Variants in IYD observed in about 807,000 individuals in gnomAD.
The protein encoded by IYD is iodotyrosine deiodinase, also known as iodotyrosine deiodinase 1.
A neutral mutation model predicts 28.4 loss-of-function variants in IYD; 25 were observed. The ratio of observed to expected loss-of-function variants is 0.88; its 90% confidence interval spans 0.64 to 1.23. IYD has a LOEUF of 1.23. IYD is among the 50% of genes most tolerant of loss of function. The pLI is 0.00. For missense variants in IYD, 352 were observed against 357.9 expected, an observed-to-expected ratio of 0.98 and a Z score of 0.13; for synonymous variants, 140 against 130.8, an observed-to-expected ratio of 1.07 and a Z score of -0.48.
Position 150,404,149 on chromosome 6 carries a change from G to T in IYD, c.*5912G>T, listed in dbSNP as rs971421767. The T allele has an allele frequency of 3.3e-5, 5 of 152,268 alleles. No individual in the cohort carries two copies. The highest frequency in any genetic ancestry group is 3.3e-4 in the Admixed American group (5 of 15,300). The allele number at this position is 152,268 out of a possible 1,614,324, so 9.4% of individuals were successfully genotyped here. A position where few individuals can be genotyped will look rare whatever the true frequency, so the allele number is the denominator to read the frequency against. Reference sequence around the variant, plus strand: ...ATCTGAGTTGTCCACCATATTGTGGGCATGAGTCCTTGACAATAGTAAATA... The same window carrying T: ...ATCTGAGTTGTCCACCATATTGTGGTCATGAGTCCTTGACAATAGTAAATA... On this transcript the variant is annotated 3_prime_UTR_variant, in exon 5 of 5. Transcript: ENST00000344419.
chr6:150,404,149 G>C lies in IYD; in HGVS notation c.*5912G>C, dbSNP rs971421767. On this transcript the variant is annotated 3_prime_UTR_variant, in exon 5 of 5. Transcript: ENST00000344419. The stretch of plus-strand genomic sequence containing the variant: ...ATCTGAGTTGTCCACCATATTGTGG[G>C]CATGAGTCCTTGACAATAGTAAATA... 1 of 152,150 alleles carries C rather than the reference G, an allele frequency of 6.6e-6. No individual in the cohort carries two copies. Among genetic ancestry groups the C allele is most frequent in the Non-Finnish European group, 1.5e-5 (1 of 68,018 alleles). The allele number at this position is 152,150 out of a possible 1,614,324, so 9.4% of individuals were successfully genotyped here.
intron 4 of IYD, 32 bp downstream of exon 4, chr6:150,394,287 C>T (rs763243549): frequency 1.7e-4 from 280 of 1,612,462 alleles, no homozygotes; most frequent in Non-Finnish European, 2.2e-4. Flanking sequence ...TACAGGGTGG[C>T]CTTATTAGAA....
intron 3 of IYD, among the ~76,000 whole-genome samples, chr6:150,393,039 T>C (rs77202270): frequency 0.021 from 3,177 of 152,254 alleles, 105 homozygotes; most frequent in African/African-American, 0.072. Flanking sequence ...GTGGAGGGAA[T>C]GGAGAGTGTT....
chr6:150,370,435 G>C, intron 1 of IYD: 2 of 951,362 alleles, frequency 2.1e-6, no homozygotes, highest in Non-Finnish European at 2.5e-6. Context: ...GTGTGTTTGT[G>C]AGAGAGTGTG....
At chr6:150,377,821 A>G (rs1777503333) in intron 1 of IYD, among the ~76,000 whole-genome samples, 1 of 152,234 alleles carries the variant, frequency 6.6e-6, no homozygotes, top group Admixed American at 6.5e-5. Context: ...TGTCAAAAGT[A>G]TCATTGGTGT....
intron 1 of IYD, among the ~76,000 whole-genome samples, chr6:150,372,450 G>T (rs112147707): frequency 1.5e-5 from 1 of 65,626 alleles, no homozygotes; most frequent in African/African-American, 6.5e-5. Context: ...TGTGTGGGTG[G>T]GGTGGGGGGT....
At position 150,398,960 on chromosome 6, in the gene IYD, G is replaced by C; in HGVS notation, c.*723G>C. On this transcript the variant is annotated 3_prime_UTR_variant, in exon 5 of 5. Coordinates refer to ENST00000344419, the MANE Select transcript of IYD (RefSeq NM_203395.3). Reference sequence around the variant, plus strand: ...TGAGGCAAGAGAACTGCTTGAATCCGGGAGGTAGAGATTGCAGTGAGTCAA... The same window carrying C: ...TGAGGCAAGAGAACTGCTTGAATCCCGGAGGTAGAGATTGCAGTGAGTCAA... 2 of 152,314 alleles carry C rather than the reference G, an allele frequency of 1.3e-5. No individual in the cohort carries two copies. Among genetic ancestry groups the C allele is most frequent in the Non-Finnish European group, 2.9e-5 (2 of 68,092 alleles). The allele number at this position is 152,314 out of a possible 1,614,324, so 9.4% of individuals were successfully genotyped here. A position where few individuals can be genotyped will look rare whatever the true frequency, so the allele number is the denominator to read the frequency against.
At chr6:150,383,112 G>T (rs576494863) in intron 1 of IYD, among the ~76,000 whole-genome samples, 56 of 152,326 alleles carry the variant, frequency 3.7e-4, no homozygotes, top group African/African-American at 1.3e-3. Flanking sequence ...TGCTTACATG[G>T]TGTGACACTA....
At chr6:150,385,331 A>G (rs1255116307) in intron 1 of IYD, among the ~76,000 whole-genome samples, 3 of 152,124 alleles carry the variant, frequency 2.0e-5, no homozygotes, top group African/African-American at 4.8e-5. Context: ...CATCATTACC[A>G]TAGCTGGATG....
intron 4 of IYD, 21 bp from the exon 5 acceptor site, chr6:150,398,034 T>C (rs2115064884): frequency 1.2e-6 from 2 of 1,613,352 alleles, no homozygotes; most frequent in East Asian, 2.2e-5. Flanking sequence ...TTTAAAATGC[T>C]TTCTTGTCCT....
intron 1 of IYD, among the ~76,000 whole-genome samples, chr6:150,374,563 G>T (rs1312759333): frequency 6.6e-6 from 1 of 152,170 alleles, no homozygotes; most frequent in Non-Finnish European, 1.5e-5. Context: ...AGAATCAAGC[G>T]AAAGGGGCTT....
At chr6:150,375,023 G>A (rs1028443188) in intron 1 of IYD, among the ~76,000 whole-genome samples, 2 of 152,162 alleles carry the variant, frequency 1.3e-5, no homozygotes, top group Non-Finnish European at 2.9e-5. Flanking sequence ...TATTCAAGGT[G>A]TCTCTTTCTG....
Position 150,394,267 on chromosome 6 carries a change from C to A in IYD, c.687+12C>A, listed in dbSNP as rs746756851. 4.3e-6 allele frequency: 7 copies of A among 1,613,882 alleles called. No homozygotes were observed. The highest frequency in any genetic ancestry group is 5.9e-6 in the Non-Finnish European group (7 of 1,179,900). On this transcript the variant is annotated intron_variant, in intron 4 of 4. Transcript: ENST00000344419. ...TAGCTGCCCTGCAGGTATGTTGAGA[C>A]ATCAAGGGTTACAGGGTGGCCTTAT...
At chr6:150,377,301 G>A (rs936664666) in intron 1 of IYD, among the ~76,000 whole-genome samples, 2 of 152,192 alleles carry the variant, frequency 1.3e-5, no homozygotes, top group Non-Finnish European at 2.9e-5. Flanking sequence ...AAACAAAGGG[G>A]TTACACAGTC....
intron 2 of IYD, chr6:150,389,763 A>G: frequency 1.9e-6 from 1 of 533,638 alleles, no homozygotes; most frequent in South Asian, 2.0e-5. Flanking sequence ...ATGTGACAAT[A>G]GTTCAAAACT....
intron 1 of IYD, among the ~76,000 whole-genome samples, chr6:150,375,386 G>A (rs534353310): frequency 2.0e-5 from 3 of 152,242 alleles, no homozygotes; most frequent in South Asian, 2.1e-4. Flanking sequence ...TGCATTATGG[G>A]AGTCTTCAAA....
intron 1 of IYD, among the ~76,000 whole-genome samples, chr6:150,378,104 C>CAGGTG (rs1554230198): frequency 6.6e-6 from 1 of 152,178 alleles, no homozygotes; most frequent in Non-Finnish European, 1.5e-5. Flanking sequence ...TACCTGAATT[C>CAGGTG]CACCTGGAGA....
At chr6:150,389,651 A>G in intron 2 of IYD, 108 bp downstream of exon 2, 1 of 1,006,892 alleles carries the variant, frequency 9.9e-7, no homozygotes, top group Admixed American at 1.7e-5. Flanking sequence ...GCCTAGAGTG[A>G]TATGTTTATC....
rs805996 is a variant in IYD at position 150,404,906 on chromosome 6, C to T, written c.*6669C>T. 6.6e-6 allele frequency: 1 copy of T among 151,932 alleles called. No homozygotes were observed. The highest frequency in any genetic ancestry group is 1.5e-5 in the Non-Finnish European group (1 of 67,980). 9.4% of individuals were successfully genotyped at this position (151,932 alleles called of 1,614,324 possible). A position where few individuals can be genotyped will look rare whatever the true frequency, so the allele number is the denominator to read the frequency against. Reference sequence around the variant, plus strand: ...GTCTATTGCTTCAATGAAGTTAGTGCCAAAGTCTCAGTGGTTCTCTTGGTC... The same window carrying T: ...GTCTATTGCTTCAATGAAGTTAGTGTCAAAGTCTCAGTGGTTCTCTTGGTC... On this transcript the variant is annotated 3_prime_UTR_variant, in exon 5 of 5. Transcript: ENST00000344419.
Sources: allele counts gnomAD v4.1 joint callset (sites outside exome capture counted in the v4.1 genomes callset), GRCh38; gene constraint gnomAD v4.1.1; transcripts MANE v1.5; gene names NCBI Gene and HGNC (gene_info 2026-07-23, HGNC 2026-07-21).